The following FLT1 variants were observed in gnomAD, a reference collection of about 807,000 sequenced individuals.
FLT1 encodes fms related receptor tyrosine kinase 1.
In FLT1, 49 loss-of-function variants were observed where a neutral mutation model predicts 156.3. That is an observed-to-expected ratio of 0.31 (90% CI 0.25 to 0.40). The LOEUF (loss-of-function observed/expected upper bound fraction) is 0.40. FLT1 is among the 10% of genes least tolerant of loss of function. The probability of loss-of-function intolerance (pLI) is 1.00; values close to 1 mark genes in which losing one functional copy is unlikely to be tolerated. For missense variants in FLT1, 1,322 were observed against 1,637.2 expected (o/e 0.81, Z 3.32); for synonymous variants, 594 against 583.8 (o/e 1.02, Z -0.25).
At chr13:28,476,917 C>T (rs1880582753) in intron 1 of FLT1, among the ~76,000 whole-genome samples, 1 of 146,806 alleles carries the variant, frequency 6.8e-6, no homozygotes, top group African/African-American at 2.7e-5. Context: ...TAGCTCTTGG[C>T]ACAAAAGACA....
chr13:28,322,828 T>C lies in FLT1; in HGVS notation c.2915A>G (p.Gln972Arg). ...SSESFASSGF[Q>R]EDKSLSDVEE... ...AACATCACTCAGACTTTTATCTTCC[T>C]GAAAGCCGGAGCTCGCAAAGCTTTC... is the stretch of plus-strand genomic sequence containing the variant. The change falls in exon 21 of 30, where the codon CAG becomes CGG. Residue 972 changes from glutamine (Q) to arginine (R), a missense_variant. Physicochemically the swap from Gln to Arg is conservative, Grantham distance 43. Coordinates refer to ENST00000282397, the MANE Select transcript of FLT1 (RefSeq NM_002019.4). This position sits in a 1 kb window ranked among gnomAD's most constrained non-coding sequence, Gnocchi z 4.3. The C allele has an allele frequency of 1.2e-6, 2 of 1,614,190 alleles. No homozygotes were observed. Among genetic ancestry groups the C allele is most frequent in the Non-Finnish European group, 1.7e-6 (2 of 1,180,024 alleles).
At chr13:28,462,502 C>A (rs1245890464) in intron 3 of FLT1, among the ~76,000 whole-genome samples, 1 of 152,098 alleles carries the variant, frequency 6.6e-6, no homozygotes, top group African/African-American at 2.4e-5. Context: ...TGTTTATGAC[C>A]TGGTGTTTCG....
chr13:28,305,277 G>A (rs777458737), intron 29 of FLT1, among the ~76,000 whole-genome samples: 5 of 152,140 alleles, frequency 3.3e-5, no homozygotes, highest in Non-Finnish European at 7.3e-5. Context: ...AGGCTAGAGT[G>A]TAGTGGTGCA....
intron 15 of FLT1, among the ~76,000 whole-genome samples, chr13:28,356,368 A>G (rs1872901524): frequency 6.6e-6 from 1 of 152,200 alleles, no homozygotes; most frequent in Non-Finnish European, 1.5e-5. Context: ...TCTGGGGAAG[A>G]AGGTGTTAAA....
intron 14 of FLT1, among the ~76,000 whole-genome samples, chr13:28,359,415 C>A (rs1873026824): frequency 6.6e-6 from 1 of 152,076 alleles, no homozygotes; most frequent in African/African-American, 2.4e-5. Context: ...AAATGTAAGA[C>A]CAGAAACTAT....
Position 28,339,202 on chromosome 13 carries a change from G to T in FLT1, c.2454C>A (p.Ser818Arg). 2 of 1,614,132 alleles carry T rather than the reference G, an allele frequency of 1.2e-6. No homozygotes were observed. Among genetic ancestry groups the T allele is most frequent in the Non-Finnish European group, 8.5e-7 (1 of 1,180,000 alleles). ...EQCERLPYDA[S>R]KWEFARERLK... Reference sequence around the variant, plus strand: ...GTCTCTCCCGGGCAAACTCCCACTTGCTGGCATCATAAGGGAGCCGCTCAC... The same window carrying T: ...GTCTCTCCCGGGCAAACTCCCACTTTCTGGCATCATAAGGGAGCCGCTCAC... The change falls in exon 17 of 30, where the codon AGC (serine) becomes AGA (arginine). Residue 818 changes from serine (S) to arginine (R), a missense_variant. Physicochemically the swap from Ser to Arg is moderately radical, Grantham distance 110 (BLOSUM62 -1). Coordinates refer to ENST00000282397, the MANE Select transcript of FLT1 (RefSeq NM_002019.4).
chr13:28,427,515 A>C (rs1339159792), intron 9 of FLT1, among the ~76,000 whole-genome samples, 197 bp from the exon 10 acceptor site: 4 of 152,200 alleles, frequency 2.6e-5, no homozygotes, highest in African/African-American at 9.7e-5. Context: ...GAGATTATTA[A>C]TAATTTGATT....
At chr13:28,384,421 C>G (rs1024703723) in intron 14 of FLT1, among the ~76,000 whole-genome samples, 1 of 146,646 alleles carries the variant, frequency 6.8e-6, no homozygotes, top group Non-Finnish European at 1.5e-5. Context: ...TGTACTCCAG[C>G]CTGGTTGACA....
chr13:28,343,082 G>T (rs2138856300), intron 16 of FLT1, among the ~76,000 whole-genome samples: 1 of 152,188 alleles, frequency 6.6e-6, no homozygotes, highest in South Asian at 2.1e-4. Flanking sequence ...GGGTTCAAGT[G>T]ATTCTCCTGC....
In FLT1 at chr13:28,327,497, G is replaced by A; in HGVS notation, c.2761C>T (p.Leu921Phe). The change falls in exon 20 of 30, where the codon CTC (leucine) becomes TTC (phenylalanine). Residue 921 changes from leucine to phenylalanine, a missense_variant. Physicochemically the swap from Leu to Phe is conservative, Grantham distance 22 (BLOSUM62 0). Around this residue, in one of 3 missense-constraint regions of FLT1, gnomAD observed 991 missense variants for 1,254.8 expected, o/e 0.79. Coordinates refer to ENST00000282397, the MANE Select transcript of FLT1 (RefSeq NM_002019.4). The part of the protein sequence containing the change: ...YCKYGNLSNY[L>F]KSKRDLFFLN... ...AAAAATAAGTCACGTTTGCTCTTGA[G>A]GTAGTTGGAGAGATTTCCATATTTG... 1 of 1,613,528 alleles carries A rather than the reference G, an allele frequency of 6.2e-7. No individual in the cohort carries two copies. Among genetic ancestry groups the A allele is most frequent in the Non-Finnish European group, 8.5e-7 (1 of 1,179,470 alleles).
intron 29 of FLT1, among the ~76,000 whole-genome samples, chr13:28,304,292 T>C (rs774188886): frequency 3.3e-5 from 5 of 152,184 alleles, no homozygotes. Flanking sequence ...TCATTCCTCA[T>C]TGGTGCCTCT....
intron 8 of FLT1, among the ~76,000 whole-genome samples, chr13:28,429,207 T>G (rs965610069): frequency 6.6e-6 from 1 of 152,216 alleles, no homozygotes; most frequent in Non-Finnish European, 1.5e-5. Context: ...AATTTTCTCT[T>G]TAATTCCCTA....
intron 10 of FLT1, among the ~76,000 whole-genome samples, chr13:28,410,293 C>A (rs1478570889): frequency 6.6e-6 from 1 of 152,176 alleles, no homozygotes; most frequent in African/African-American, 2.4e-5. Flanking sequence ...GAAAGCCCAG[C>A]TGGGTGAGCG....
intron 29 of FLT1, 112 bp downstream of exon 29, chr13:28,306,566 C>T: frequency 1.3e-6 from 1 of 798,508 alleles, no homozygotes; most frequent in East Asian, 2.5e-5. Flanking sequence ...CCGGATACCA[C>T]AGTTCAGGAG....
chr13:28,430,008 AAAGT>A, intron 8 of FLT1, 38 bp downstream of exon 8: 2 of 1,311,816 alleles, frequency 1.5e-6, no homozygotes, highest in East Asian at 4.6e-5. Context: ...TCCCACTTAC[AAAGT>A]ATGTCTTAAA....
rs1441334661 is a variant in FLT1, at chr13:28,479,002, T to G, written c.65-11385A>C. 3.3e-5 allele frequency among the ~76,000 whole-genome samples: 5 copies of G among 152,234 alleles called. No homozygotes were observed. In the East Asian group the frequency reaches 9.6e-4, roughly 29 times the overall value. On this transcript the variant is annotated intron_variant, in intron 1 of 29. Coordinates refer to ENST00000282397, the MANE Select transcript of FLT1 (RefSeq NM_002019.4). ...GCCGAATGTGATAAAGTTCTGATGTTAATTTTCAGCTTACTTTGATACAGT... is the reference window on the plus strand; with the variant it reads ...GCCGAATGTGATAAAGTTCTGATGTGAATTTTCAGCTTACTTTGATACAGT...
In FLT1 at chr13:28,303,347, A is replaced by C; in HGVS notation, c.3837T>G (p.Ser1279Arg). 3 of 1,614,020 alleles carry C rather than the reference A, an allele frequency of 1.9e-6. No individual in the cohort carries two copies. Among genetic ancestry groups the C allele is most frequent in the Non-Finnish European group, 2.5e-6 (3 of 1,179,974 alleles). Residue 1279 changes from serine (S) to arginine (R), a missense_variant, in exon 30 of 30, where the codon AGT becomes AGG. Coordinates refer to ENST00000282397, the MANE Select transcript of FLT1 (RefSeq NM_002019.4). ...TGACATCAGACAGCCCCGACTCCTT[A>C]CTTTTACTGGTTACTCTCAAGCTAA... Reference protein sequence around the residue: ...LKIDLRVTSKSKESGLSDVSR... With the variant: ...LKIDLRVTSKRKESGLSDVSR...
chr13:28,364,889 T>G (rs1202478384), intron 14 of FLT1, among the ~76,000 whole-genome samples: 2 of 152,232 alleles, frequency 1.3e-5, no homozygotes, highest in African/African-American at 2.4e-5. Context: ...CCTCACCAGA[T>G]AGTTTTCAAA....
At chr13:28,342,771 A>G (rs984207080) in intron 16 of FLT1, among the ~76,000 whole-genome samples, 20 of 152,220 alleles carry the variant, frequency 1.3e-4, no homozygotes, top group African/African-American at 4.3e-4. Flanking sequence ...TATTTTTGGA[A>G]TAATTTATTG....
Sources: gnomAD v4.1 joint callset for allele counts (sites outside exome capture counted in the v4.1 genomes callset) on GRCh38, gnomAD v4.1.1 for gene constraint, gnomAD v4.1.1 regional missense constraint, Gnocchi (gnomAD v3.1) non-coding constraint, MANE v1.5 for transcripts, NCBI Gene and HGNC (gene_info 2026-07-23, HGNC 2026-07-21) for gene names.